The following DOCK10 variants were observed in gnomAD, a reference collection of about 807,000 sequenced individuals.
DOCK10 encodes dedicator of cytokinesis 10, also known as dedicator of cytokinesis protein 10.
A neutral mutation model predicts 280.1 loss-of-function variants in DOCK10; 145 were observed. The observed-to-expected ratio is 0.52, with a 90% CI of 0.45 to 0.59. DOCK10 has a LOEUF of 0.59. Ranked by LOEUF, DOCK10 falls within the 20% of genes least tolerant of loss-of-function variation. The pLI is 0.00. For synonymous variants in DOCK10, 915 were observed against 942.2 expected (o/e 0.97, Z 0.53); for missense variants, 2,368 against 2,651.7 (o/e 0.89, Z 2.35).
chr2:224,889,651 T>C (rs1699541708), intron 4 of DOCK10, among the ~76,000 whole-genome samples: 1 of 152,200 alleles, frequency 6.6e-6, no homozygotes, highest in East Asian at 1.9e-4. Flanking sequence ...CTGCCTCTTT[T>C]GGTCAGGGTC....
At chr2:225,029,561 A>T (rs1690020257) in intron 1 of DOCK10, among the ~76,000 whole-genome samples, 1 of 152,146 alleles carries the variant, frequency 6.6e-6, no homozygotes, top group African/African-American at 2.4e-5. Context: ...TTTCTTTTTT[A>T]ATTAACAATA....
At chr2:224,963,996 C>CT (rs66476455) in intron 1 of DOCK10, among the ~76,000 whole-genome samples, 11,098 of 122,722 alleles carry the variant, frequency 0.09, 641 homozygotes, top group African/African-American at 0.19. Context: ...GTCTAAAATT[C>CT]TTTTTTTTTT....
intron 50 of DOCK10, among the ~76,000 whole-genome samples, chr2:224,779,014 G>A (rs574964718): frequency 6.6e-6 from 1 of 152,170 alleles, no homozygotes; most frequent in South Asian, 2.1e-4. Context: ...TATTCCACAA[G>A]AGCAAGTAGG....
intron 1 of DOCK10, among the ~76,000 whole-genome samples, chr2:224,963,108 T>C (rs1704542450): frequency 6.6e-6 from 1 of 152,166 alleles, no homozygotes; most frequent in South Asian, 2.1e-4. Context: ...GGATGGGCCA[T>C]GCCTGCCCTA....
At position 224,970,872 on chromosome 2, in the gene DOCK10, A is replaced by G. The variant is rs1386412894; in HGVS notation, c.124-39204T>C. On this transcript the variant is annotated intron_variant, in intron 1 of 55. Coordinates refer to ENST00000258390, the MANE Select transcript of DOCK10 (RefSeq NM_014689.3). The surrounding 1 kb of genome is among the most constrained non-coding windows in gnomAD (Gnocchi z 4.6). Reference sequence around the variant, plus strand: ...TGCTATGCTATTGACATTACTTTGTATTTTGTAGCTAGCATCTATGTAGTT... The same window carrying G: ...TGCTATGCTATTGACATTACTTTGTGTTTTGTAGCTAGCATCTATGTAGTT... 2.0e-5 allele frequency among the ~76,000 whole-genome samples: 3 copies of G among 152,220 alleles called. No individual in the cohort carries two copies. The highest frequency in any genetic ancestry group is 4.4e-5 in the Non-Finnish European group (3 of 68,036).
intron 1 of DOCK10, among the ~76,000 whole-genome samples, chr2:225,022,467 G>A (rs611404): frequency 0.44 from 66,991 of 151,960 alleles, 15,979 homozygotes; most frequent in South Asian, 0.6. Flanking sequence ...AACCTTACCC[G>A]TAGCAACTCT....
intron 1 of DOCK10, among the ~76,000 whole-genome samples, chr2:224,978,436 A>C (rs1705560132): frequency 6.6e-6 from 1 of 151,356 alleles, no homozygotes; most frequent in Non-Finnish European, 1.5e-5. Flanking sequence ...CCGTCTCGGA[A>C]AAAAAAAAGT....
intron 3 of DOCK10, among the ~76,000 whole-genome samples, chr2:224,910,976 C>T (rs80224328): frequency 0.55 from 81,993 of 149,102 alleles, 23,513 homozygotes; most frequent in Non-Finnish European, 0.63. Flanking sequence ...TTCTCTCTCC[C>T]TTTTTTTTTT....
Position 224,774,889 on chromosome 2 carries a change from G to T in DOCK10, c.6013+16C>A. The stretch of plus-strand genomic sequence containing the variant: ...GGAACAGGTGCCACATGTGTGGCCC[G>T]GCTACCTGCACCTACTTGTCAGGAT... On this transcript the variant is annotated intron_variant, in intron 52 of 55. Transcript: ENST00000258390. The T allele has an allele frequency of 6.4e-7, 1 of 1,570,302 alleles. No individual in the cohort carries two copies. Among genetic ancestry groups the T allele is most frequent in the Non-Finnish European group, 8.6e-7 (1 of 1,157,064 alleles).
intron 1 of DOCK10, chr2:224,982,516 G>A (rs1705803402): frequency 1.6e-6 from 2 of 1,223,868 alleles, no homozygotes; most frequent in African/African-American, 3.1e-5. Context: ...TCTGATCATG[G>A]CCAAATAGCT....
At chr2:224,900,194 T>C (rs183374594) in intron 3 of DOCK10, among the ~76,000 whole-genome samples, 1 of 152,228 alleles carries the variant, frequency 6.6e-6, no homozygotes, top group Non-Finnish European at 1.5e-5. Flanking sequence ...ATGCCACAGG[T>C]GTAGCCGAAT....
At chr2:224,904,635 A>G (rs1575029807) in intron 3 of DOCK10, among the ~76,000 whole-genome samples, 1 of 152,272 alleles carries the variant, frequency 6.6e-6, no homozygotes, top group East Asian at 1.9e-4. Flanking sequence ...ATTTTTACTT[A>G]ATTTATTTAT....
intron 2 of DOCK10, among the ~76,000 whole-genome samples, chr2:224,921,112 A>AAAAAAAAAAAAAAAATATATATAT: frequency 1.8e-5 from 1 of 54,432 alleles, no homozygotes; most frequent in Non-Finnish European, 3.0e-5. Flanking sequence ...AAAAAAAAAA[A>AAAAAAAAAAAAAAAATATATATAT]ATATATATAT....
rs530812463 is a variant in DOCK10 at position 224,793,017 on chromosome 2, G to T, written c.5268C>A (p.His1756Gln). ...TTAGTAATGAGTTGCTATCACAGGG[G>T]TGGGTATCCTCCGAGAGCAGGGATG... is the stretch of plus-strand genomic sequence containing the variant. ...CTASLLSEDT[H>Q]PCDSNSLLTT... Residue 1756 changes from histidine (H) to glutamine (Q), a missense_variant, in exon 47 of 56, where the codon CAC (histidine) becomes CAA (glutamine). By Grantham distance (24) the His-to-Gln change is conservative. This residue lies in a region of DOCK10 where 1,159 missense variants were observed against 1,400.8 expected (regional missense o/e 0.83). Coordinates refer to ENST00000258390, the MANE Select transcript of DOCK10 (RefSeq NM_014689.3). The T allele has an allele frequency of 1.2e-6, 2 of 1,613,684 alleles. No individual in the cohort carries two copies. Among genetic ancestry groups the T allele is most frequent in the Admixed American group, 1.7e-5 (1 of 59,988 alleles).
chr2:224,988,036 C>T (rs1173447372), intron 1 of DOCK10, among the ~76,000 whole-genome samples: 1 of 152,130 alleles, frequency 6.6e-6, no homozygotes, highest in East Asian at 1.9e-4. Flanking sequence ...ACTGCAAAGA[C>T]CAACATAGAG....
chr2:224,853,726 T>C (rs1696906473), intron 16 of DOCK10, among the ~76,000 whole-genome samples: 1 of 152,172 alleles, frequency 6.6e-6, no homozygotes, highest in South Asian at 2.1e-4. Context: ...GATTAGGAAT[T>C]TATAAATCAA....
At chr2:224,933,582 C>T (rs138316612) in intron 1 of DOCK10, among the ~76,000 whole-genome samples, 8 of 152,182 alleles carry the variant, frequency 5.3e-5, no homozygotes, top group African/African-American at 1.2e-4. Flanking sequence ...ATGTAGCAAA[C>T]GAAACAAAAT....
At chr2:224,892,414 A>AG (rs1426254133) in intron 4 of DOCK10, among the ~76,000 whole-genome samples, 16 of 126,342 alleles carry the variant, frequency 1.3e-4, no homozygotes, top group South Asian at 2.5e-4. Flanking sequence ...AAAAAAAAAA[A>AG]AAAAAAAAGA....
chr2:225,023,936 G>A (rs1261225700), intron 1 of DOCK10, among the ~76,000 whole-genome samples: 1 of 152,198 alleles, frequency 6.6e-6, no homozygotes, highest in African/African-American at 2.4e-5. Context: ...TTACAGAGGA[G>A]CAATCTGCAG....
Sources: allele counts gnomAD v4.1 joint callset (sites outside exome capture counted in the v4.1 genomes callset), GRCh38; gene constraint gnomAD v4.1.1; regional missense constraint gnomAD v4.1.1; non-coding constraint Gnocchi (gnomAD v3.1); transcripts MANE v1.5; gene names NCBI Gene and HGNC (gene_info 2026-07-23, HGNC 2026-07-21).